GLRX5: variants seen among roughly 807,000 people sequenced by gnomAD.
GLRX5 encodes glutaredoxin-related protein 5, mitochondrial.
A neutral mutation model predicts 13.8 loss-of-function variants in GLRX5; 10 were observed. The observed-to-expected ratio is 0.72, with a 90% CI of 0.45 to 1.23. GLRX5 has a LOEUF of 1.23. Among genes scored for constraint, GLRX5 ranks in the 50% most tolerant of loss-of-function variants. The pLI, the probability that GLRX5 is intolerant of heterozygous loss-of-function variation, is 0.00. For missense variants in GLRX5, 233 were observed against 215.2 expected (o/e 1.08, Z -0.52); for synonymous variants, 98 against 101.1 (o/e 0.97, Z 0.18).
intron 1 of GLRX5, among the ~76,000 whole-genome samples, chr14:95,541,917 G>A (rs1206089066): frequency 6.6e-6 from 1 of 152,134 alleles, no homozygotes; most frequent in Admixed American, 6.5e-5. Context: ...ATCATGGAAA[G>A]CTTCACACAA....
chr14:95,541,926 A>G (rs747973333), intron 1 of GLRX5, among the ~76,000 whole-genome samples: 2 of 152,260 alleles, frequency 1.3e-5, no homozygotes, highest in Non-Finnish European at 2.9e-5. Flanking sequence ...AGCTTCACAC[A>G]ATATATTATT....
chr14:95,536,800 T>G (rs760939636), intron 1 of GLRX5, among the ~76,000 whole-genome samples: 10 of 152,248 alleles, frequency 6.6e-5, no homozygotes, highest in Non-Finnish European at 1.2e-4. Context: ...GGATAACTGA[T>G]CCTCCATTTG....
Position 95,535,329 on chromosome 14 carries a change from CG to C in GLRX5, c.242del (p.Gly81AlafsTer39), listed in dbSNP as rs1221787202. On this transcript the variant is annotated frameshift_variant, in exon 1 of 2. Transcript: ENST00000331334. LOFTEE classifies it high-confidence loss of function. ...NAVVQILRLH[G>X]VRDYAAYNVL... ...CCGTGGTGCAGATCCTGCGGCTGCA[CG>C]GCGTCCGCGATTACGCGGCCTACAA... 7.1e-6 allele frequency: 11 copies of C among 1,554,286 alleles called. No individual in the cohort carries two copies. The highest frequency in any genetic ancestry group is 9.6e-6 in the Non-Finnish European group (11 of 1,149,236).
chr14:95,542,838 C>G, intron 1 of GLRX5: 1 of 339,072 alleles, frequency 2.9e-6, no homozygotes, highest in Admixed American at 3.9e-5. Context: ...TTTTAATGGC[C>G]GACTATGTTT....
chr14:95,538,723 G>A (rs1402983123), intron 1 of GLRX5, among the ~76,000 whole-genome samples: 2 of 152,190 alleles, frequency 1.3e-5, no homozygotes. Flanking sequence ...GACTAAGTAC[G>A]TCAGGCTTTG....
At chr14:95,538,010 G>A (rs1450740030) in intron 1 of GLRX5, among the ~76,000 whole-genome samples, 3 of 152,154 alleles carry the variant, frequency 2.0e-5, no homozygotes, top group Non-Finnish European at 2.9e-5. Context: ...TGGAAGCAAT[G>A]TAGAAAACAC....
chr14:95,535,389 G>A lies in GLRX5; in HGVS notation c.295+5G>A, dbSNP rs1354630337. 4 of 1,547,932 alleles carry A rather than the reference G, an allele frequency of 2.6e-6. No individual in the cohort carries two copies. The highest frequency in any genetic ancestry group is 4.9e-5 in the East Asian group (2 of 41,084). ...ACGACCCGGAGCTCCGACAAGGTCAGGCCAGTGTGCCGGGCAGGCGCCCTC... is the reference window on the plus strand; with the variant it reads ...ACGACCCGGAGCTCCGACAAGGTCAAGCCAGTGTGCCGGGCAGGCGCCCTC... On this transcript the variant is annotated splice_donor_5th_base_variant and intron_variant, in intron 1 of 1. Transcript: ENST00000331334.
At chr14:95,539,566 T>G (rs966214870) in intron 1 of GLRX5, among the ~76,000 whole-genome samples, 1 of 152,320 alleles carries the variant, frequency 6.6e-6, no homozygotes, top group Middle Eastern at 3.4e-3. Context: ...ATGTGTGCAG[T>G]GCACTTGTAG....
At position 95,535,051 on chromosome 14, in the gene GLRX5, T is replaced by C. The variant is rs964303217; in HGVS notation, c.-39T>C. On this transcript the variant is annotated 5_prime_UTR_variant, in exon 1 of 2. Coordinates refer to ENST00000331334, the MANE Select transcript of GLRX5 (RefSeq NM_016417.3). ...GGGGAGCGCTCTGGGTGGCCAGCTG[T>C]GGGCCCGGGCCGTCGTGGGCTCCGG... 6.1e-5 allele frequency: 79 copies of C among 1,304,180 alleles called. No individual in the cohort carries two copies. Among genetic ancestry groups the C allele is most frequent in the Non-Finnish European group, 7.2e-5 (73 of 1,016,882 alleles). The allele number at this position is 1,304,180 out of a possible 1,614,324, so 80.8% of individuals were successfully genotyped here.
At position 95,535,387 on chromosome 14, in the gene GLRX5, C is replaced by T; in HGVS notation, c.295+3C>T. 6.5e-7 allele frequency: 1 copy of T among 1,548,344 alleles called. No individual in the cohort carries two copies. The highest frequency in any genetic ancestry group is 1.2e-5 in the South Asian group (1 of 84,088). On this transcript the variant is annotated splice_donor_region_variant and intron_variant, in intron 1 of 1. Transcript: ENST00000331334. Reference sequence around the variant, plus strand: ...GGACGACCCGGAGCTCCGACAAGGTCAGGCCAGTGTGCCGGGCAGGCGCCC... The same window carrying T: ...GGACGACCCGGAGCTCCGACAAGGTTAGGCCAGTGTGCCGGGCAGGCGCCC...
At chr14:95,539,744 C>T (rs1198149573) in intron 1 of GLRX5, among the ~76,000 whole-genome samples, 1 of 152,170 alleles carries the variant, frequency 6.6e-6, no homozygotes, top group South Asian at 2.1e-4. Flanking sequence ...CTTAACCCTT[C>T]TGAGCCTTAG....
rs34972730 is a variant in GLRX5, at chr14:95,543,118, C to T, written c.296-829C>T. On this transcript the variant is annotated intron_variant, in intron 1 of 1. Transcript: ENST00000331334. ...TGGTTGGTTTCTTGGCTGCTGTGAG[C>T]GCTTAAGAGCAGAGCGGGTCTCACT... 4.4e-3 allele frequency: 2,015 copies of T among 455,914 alleles called. 6 individuals are homozygous for T. Among genetic ancestry groups the T allele is most frequent in the Non-Finnish European group, 6.8e-3 (1,533 of 226,784 alleles). The allele number at this position is 455,914 out of a possible 1,614,324, so 28.2% of individuals were successfully genotyped here. A position where few individuals can be genotyped will look rare whatever the true frequency, so the allele number is the denominator to read the frequency against.
At chr14:95,537,056 G>A (rs8011065) in intron 1 of GLRX5, among the ~76,000 whole-genome samples, 21,080 of 152,198 alleles carry the variant, frequency 0.14, 1,625 homozygotes, top group Non-Finnish European at 0.15. Flanking sequence ...CTATTTTGCA[G>A]TCTTTTGACA....
intron 1 of GLRX5, among the ~76,000 whole-genome samples, chr14:95,541,338 C>A (rs1255530047): frequency 6.6e-6 from 1 of 152,168 alleles, no homozygotes; most frequent in Non-Finnish European, 1.5e-5. Flanking sequence ...AGGAGTTTCT[C>A]ACTTCACTCT....
At chr14:95,540,870 T>A (rs1341398726) in intron 1 of GLRX5, among the ~76,000 whole-genome samples, 1 of 152,266 alleles carries the variant, frequency 6.6e-6, no homozygotes, top group East Asian at 1.9e-4. Flanking sequence ...AAATACCTTT[T>A]GAAAGTTCTG....
chr14:95,535,075 G>T lies in GLRX5; in HGVS notation c.-15G>T, dbSNP rs1348337349. ...GTGGGCCCGGGCCGTCGTGGGCTCC[G>T]GCTTGCGTGCGGAGATGAGCGGGTC... On this transcript the variant is annotated 5_prime_UTR_variant, in exon 1 of 2. Transcript: ENST00000331334. The T allele has an allele frequency of 1.5e-6, 2 of 1,337,672 alleles. No individual in the cohort carries two copies. Among genetic ancestry groups the T allele is most frequent in the South Asian group, 1.5e-5 (1 of 67,910 alleles). The allele number at this position is 1,337,672 out of a possible 1,614,324, so 82.9% of individuals were successfully genotyped here. A position where few individuals can be genotyped will look rare whatever the true frequency, so the allele number is the denominator to read the frequency against.
intron 1 of GLRX5, 134 bp from the exon 2 acceptor site, chr14:95,543,813 A>T: frequency 2.6e-6 from 2 of 756,076 alleles, no homozygotes; most frequent in South Asian, 3.1e-5. Context: ...TGGCAAGCAC[A>T]GTGTTCTCAA....
chr14:95,542,505 A>G (rs1044609062), intron 1 of GLRX5, among the ~76,000 whole-genome samples: 1 of 152,230 alleles, frequency 6.6e-6, no homozygotes, highest in Admixed American at 6.5e-5. Context: ...TAATAAGGCA[A>G]TAACTTTTAA....
intron 1 of GLRX5, 113 bp from the exon 2 acceptor site, chr14:95,543,834 A>G: frequency 2.2e-6 from 2 of 889,868 alleles, no homozygotes; most frequent in Non-Finnish European, 3.8e-6. Flanking sequence ...GATTGGGGGA[A>G]GCCAGGGAGG....
Sources: allele counts gnomAD v4.1 joint callset (sites outside exome capture counted in the v4.1 genomes callset), GRCh38; gene constraint gnomAD v4.1.1; transcripts MANE v1.5; gene names NCBI Gene and HGNC (gene_info 2026-07-23, HGNC 2026-07-21).